USP32: variants seen among roughly 807,000 people sequenced by gnomAD.
USP32 encodes ubiquitin carboxyl-terminal hydrolase 32.
A neutral mutation model predicts 204.8 loss-of-function variants in USP32; 59 were observed. The ratio of observed to expected loss-of-function variants is 0.29; its 90% CI spans 0.23 to 0.36. The LOEUF (loss-of-function observed/expected upper bound fraction) is 0.36, where lower values mean the gene tolerates loss of function less well. Among genes scored for constraint, USP32 ranks in the 10% least tolerant of loss-of-function variants. USP32 has a pLI of 1.00. For missense variants in USP32, 1,160 were observed against 1,946.4 expected (o/e 0.60, Z 7.60); for synonymous variants, 517 against 678.4 (o/e 0.76, Z 3.70).
chr17:60,421,912 C>T, intron 1 of USP32: 1 of 985,596 alleles, frequency 1.0e-6, no homozygotes, highest in Non-Finnish European at 1.2e-6. Flanking sequence ...AGCGGGACCG[C>T]TGCGGTACCT....
chr17:60,299,397 C>T (rs966993574), intron 3 of USP32, among the ~76,000 whole-genome samples: 1 of 152,174 alleles, frequency 6.6e-6, no homozygotes, highest in Admixed American at 6.5e-5. Context: ...CCTTCTTGCT[C>T]TTCCATCATC....
At chr17:60,318,223 G>A (rs745591299) in intron 2 of USP32, among the ~76,000 whole-genome samples, 2 of 152,174 alleles carry the variant, frequency 1.3e-5, no homozygotes, top group Non-Finnish European at 2.9e-5. Context: ...TATTTAAACT[G>A]CAGTTTCCTT....
At chr17:60,310,937 G>A (rs2087837991) in intron 2 of USP32, among the ~76,000 whole-genome samples, 1 of 152,114 alleles carries the variant, frequency 6.6e-6, no homozygotes, top group South Asian at 2.1e-4. Flanking sequence ...ATATGTAGGA[G>A]CTAAAAAAAG....
chr17:60,271,588 C>T lies in USP32; in HGVS notation c.572-107G>A. On this transcript the variant is annotated intron_variant, in intron 5 of 33. Transcript: ENST00000300896. ...ACAGATATATTTTAGTTTCACAATT[C>T]AATTGCTAAAAAATAATCACGACCA... 6.1e-6 allele frequency: 7 copies of T among 1,144,238 alleles called. No homozygotes were observed. In the South Asian group the frequency reaches 1.5e-4, roughly 24 times the overall value. The allele number at this position is 1,144,238 out of a possible 1,614,324, so 70.9% of individuals were successfully genotyped here.
Position 60,271,353 on chromosome 17 carries a change from C to T in USP32, c.700G>A (p.Glu234Lys), listed in dbSNP as rs1192131272. Residue 234 changes from glutamate (E) to lysine (K), a missense_variant, in exon 6 of 34, where the codon GAA (glutamate) becomes AAA (lysine). Glu to Lys is a moderately conservative substitution (Grantham distance 56, BLOSUM62 1). Transcript: ENST00000300896. ...VSPPIRPSLS[E>K]GLFNAFDENR... ...TAGAAAATGGAATGATCCCTACCTT[C>T]ACTTAGAGATGGACGAATAGGTGGT... 6.2e-7 allele frequency: 1 copy of T among 1,613,898 alleles called. No individual in the cohort carries two copies. The highest frequency in any genetic ancestry group is 8.5e-7 in the Non-Finnish European group (1 of 1,179,874).
chr17:60,376,243 TTAAA>T (rs1426757730), intron 1 of USP32, among the ~76,000 whole-genome samples: 2 of 151,626 alleles, frequency 1.3e-5, no homozygotes, highest in African/African-American at 2.4e-5. Flanking sequence ...TATCTAATTA[TTAAA>T]TAATTTTATA....
chr17:60,222,108 T>C (rs1344003307), intron 15 of USP32, among the ~76,000 whole-genome samples: 3 of 152,224 alleles, frequency 2.0e-5, no homozygotes, highest in Non-Finnish European at 4.4e-5. Context: ...CTACATTCAC[T>C]GAACTTTTTG....
intron 1 of USP32, among the ~76,000 whole-genome samples, chr17:60,381,124 G>C (rs1434892279): frequency 1.3e-5 from 2 of 152,122 alleles, no homozygotes; most frequent in Non-Finnish European, 2.9e-5. Flanking sequence ...GCAGCACTAG[G>C]TAGTCCCATT....
chr17:60,219,561 C>CTTTTT lies in USP32; in HGVS notation c.1867+104_1867+108dup, dbSNP rs751193414. On this transcript the variant is annotated intron_variant, in intron 16 of 33. Coordinates refer to ENST00000300896, the MANE Select transcript of USP32 (RefSeq NM_032582.4). Reference sequence around the variant, plus strand: ...AGACTTCGAGCAACGTAGTTTTCACCTTTTTTTTTTTTTTTTTTTTTTTTT... The same window carrying CTTTTT: ...AGACTTCGAGCAACGTAGTTTTCACCTTTTTTTTTTTTTTTTTTTTTTTTTTTTTT... The CTTTTT allele has an allele frequency of 1.3e-4, 88 of 688,886 alleles. 1 individual carries two copies. Among genetic ancestry groups the CTTTTT allele is most frequent in the African/African-American group, 5.5e-4 (13 of 23,456 alleles). 42.7% of individuals were successfully genotyped at this position (688,886 alleles called of 1,614,324 possible).
chr17:60,186,697 A>C (rs1567750615), intron 29 of USP32, among the ~76,000 whole-genome samples: 1 of 152,220 alleles, frequency 6.6e-6, no homozygotes, highest in Non-Finnish European at 1.5e-5. Flanking sequence ...GGAATTAAGT[A>C]TAAGAAAGGA....
At chr17:60,252,750 T>G (rs570310847) in intron 10 of USP32, among the ~76,000 whole-genome samples, 1 of 152,338 alleles carries the variant, frequency 6.6e-6, no homozygotes, top group South Asian at 2.1e-4. Flanking sequence ...ATAATTCTTC[T>G]GACACTTGCA....
intron 16 of USP32, among the ~76,000 whole-genome samples, chr17:60,218,399 T>C (rs966858787): frequency 6.6e-6 from 1 of 151,938 alleles, no homozygotes; most frequent in Non-Finnish European, 1.5e-5. Flanking sequence ...AAATAAAAAA[T>C]AAAAAATAAA....
intron 3 of USP32, among the ~76,000 whole-genome samples, chr17:60,299,255 C>A (rs574083708): frequency 6.6e-6 from 1 of 152,294 alleles, no homozygotes; most frequent in South Asian, 2.1e-4. Context: ...AAAATGATCT[C>A]TTTGTCCATT....
intron 9 of USP32, among the ~76,000 whole-genome samples, chr17:60,259,340 T>A (rs1324324064): frequency 2.0e-5 from 3 of 152,188 alleles, no homozygotes; most frequent in Non-Finnish European, 4.4e-5. Flanking sequence ...TATGCCCTTT[T>A]TGTTTGTATT....
chr17:60,236,839 T>A (rs1461391201), intron 11 of USP32, among the ~76,000 whole-genome samples: 1 of 152,224 alleles, frequency 6.6e-6, no homozygotes, highest in African/African-American at 2.4e-5. Context: ...AATAAAATGA[T>A]AAAACACATG....
At chr17:60,240,108 T>C (rs2085838535) in intron 11 of USP32, among the ~76,000 whole-genome samples, 1 of 152,244 alleles carries the variant, frequency 6.6e-6, no homozygotes, top group African/African-American at 2.4e-5. Flanking sequence ...AGATAATTGA[T>C]TTTAAATGTT....
At chr17:60,389,931 G>A (rs931834438) in intron 1 of USP32, among the ~76,000 whole-genome samples, 1 of 151,968 alleles carries the variant, frequency 6.6e-6, no homozygotes, top group Non-Finnish European at 1.5e-5. Flanking sequence ...GCAGGAGAAT[G>A]GCGTGAACCC....
chr17:60,284,868 T>C (rs2087070097), intron 5 of USP32, among the ~76,000 whole-genome samples: 1 of 152,164 alleles, frequency 6.6e-6, no homozygotes, highest in African/African-American at 2.4e-5. Context: ...CCCCTCACCT[T>C]GGACTGCTTT....
chr17:60,372,520 T>G (rs1387418445), intron 1 of USP32, among the ~76,000 whole-genome samples: 1 of 148,786 alleles, frequency 6.7e-6, no homozygotes, highest in African/African-American at 2.5e-5. Context: ...AGAAAAGGTA[T>G]AGTAAAAATA....
Sources: allele counts gnomAD v4.1 joint callset (sites outside exome capture counted in the v4.1 genomes callset), GRCh38; gene constraint gnomAD v4.1.1; transcripts MANE v1.5; gene names NCBI Gene and HGNC (gene_info 2026-07-23, HGNC 2026-07-21).